CYP4X1: variants seen among roughly 807,000 people sequenced by gnomAD.
CYP4X1 encodes the protein cytochrome P450 4X1.
Under a neutral mutation model 57.9 loss-of-function variants are expected in CYP4X1, and 44 were observed. The observed-to-expected ratio is 0.76, with a 90% CI of 0.60 to 0.98. The LOEUF is 0.98. Among genes scored for constraint, CYP4X1 ranks in the 50% least tolerant of loss-of-function variants. CYP4X1 has a pLI of 0.00. For synonymous variants in CYP4X1, 227 were observed against 228.6 expected, an observed-to-expected ratio of 0.99 and a Z score of 0.06; for missense variants, 532 against 623.9, an observed-to-expected ratio of 0.85 and a Z score of 1.57.
chr1:47,000,298 A>C, the CYP4X1 span, among the ~76,000 whole-genome samples: 4 of 152,234 alleles, frequency 2.6e-5, no homozygotes, highest in South Asian at 8.3e-4. Flanking sequence ...GTCATGCAGA[A>C]CTGTGAGTCA....
chr1:47,047,269 G>T (rs893394189), intron 9 of CYP4X1, among the ~76,000 whole-genome samples: 34 of 152,128 alleles, frequency 2.2e-4, no homozygotes, highest in African/African-American at 7.7e-4. Flanking sequence ...TCTGAGCAGG[G>T]CTTATAGGAA....
chr1:47,005,008 A>G, the CYP4X1 span, among the ~76,000 whole-genome samples: 1 of 152,270 alleles, frequency 6.6e-6, no homozygotes, highest in East Asian at 1.9e-4. Context: ...AGGAAAGCTC[A>G]TGGTAGGCCA....
At chr1:47,021,175 AG>A (rs1170197939), upstream of CYP4X1, among the ~76,000 whole-genome samples, 1 of 138,390 alleles carries the variant, frequency 7.2e-6, no homozygotes, top group South Asian at 2.3e-4. Flanking sequence ...AAAAGGAAGG[AG>A]GCGCTGCTCT....
chr1:46,980,227 A>C, the CYP4X1 span, among the ~76,000 whole-genome samples: 1 of 152,158 alleles, frequency 6.6e-6, no homozygotes, highest in Non-Finnish European at 1.5e-5. Flanking sequence ...TTTAGAAAAC[A>C]CCATCATCTC....
the CYP4X1 span, chr1:46,961,609 G>A: frequency 2.5e-5 from 32 of 1,285,432 alleles, no homozygotes; most frequent in South Asian, 1.1e-4. Flanking sequence ...GCCTGGACCT[G>A]TGTCCTATGC....
At chr1:47,021,665 A>C (rs1278621417), upstream of CYP4X1, among the ~76,000 whole-genome samples, 2 of 152,302 alleles carry the variant, frequency 1.3e-5, no homozygotes, top group Non-Finnish European at 2.9e-5. Context: ...TAGTGCAAAA[A>C]GTTCCAGAGT....
Position 47,033,515 on chromosome 1 carries a change from C to T in CYP4X1, c.492+147C>T. 5.1e-6 allele frequency: 5 copies of T among 984,540 alleles called. No individual in the cohort carries two copies. The South Asian group carries it at 8.3e-5, about 16-fold the overall frequency. The allele number at this position is 984,540 out of a possible 1,614,324, so 61.0% of individuals were successfully genotyped here. On this transcript the variant is annotated intron_variant, in intron 4 of 11. Transcript: ENST00000371901. ...CACGTACTTATTGAACAATAGGTGT[C>T]TGTAAAAAATTTGTTATGTTCTTTG...
At chr1:47,013,299 G>C in the CYP4X1 span, among the ~76,000 whole-genome samples, 1 of 152,214 alleles carries the variant, frequency 6.6e-6, no homozygotes, top group Non-Finnish European at 1.5e-5. Flanking sequence ...TGGAGGCACA[G>C]TGTGATACAG....
chr1:46,999,024 CTTTG>C, the CYP4X1 span, among the ~76,000 whole-genome samples: 7 of 76,686 alleles, frequency 9.1e-5, no homozygotes, highest in African/African-American at 5.1e-4. Flanking sequence ...GGCTTGCTTT[CTTTG>C]TGTGTGTGTG....
chr1:46,965,434 G>GT, the CYP4X1 span, among the ~76,000 whole-genome samples: 2 of 152,184 alleles, frequency 1.3e-5, no homozygotes, highest in Admixed American at 6.5e-5. Context: ...GTTGTTTCCT[G>GT]TTTTTTGTTT....
the CYP4X1 span, among the ~76,000 whole-genome samples, chr1:46,970,726 C>T: frequency 6.6e-6 from 1 of 152,170 alleles, no homozygotes; most frequent in African/African-American, 2.4e-5. Context: ...GTGGCACCTG[C>T]AGAAGGTCAT....
chr1:46,974,824 C>T, the CYP4X1 span, among the ~76,000 whole-genome samples: 1 of 151,878 alleles, frequency 6.6e-6, no homozygotes, highest in Non-Finnish European at 1.5e-5. Context: ...CTATGGATGT[C>T]CTTGCATGTG....
At chr1:47,051,207 C>T (rs1439323560), downstream of CYP4X1, among the ~76,000 whole-genome samples, 1 of 152,044 alleles carries the variant, frequency 6.6e-6, no homozygotes, top group East Asian at 1.9e-4. Context: ...GTTAGAATGG[C>T]AATCATTAAA....
the CYP4X1 span, among the ~76,000 whole-genome samples, chr1:47,016,216 A>G: frequency 6.6e-6 from 1 of 152,144 alleles, no homozygotes; most frequent in Non-Finnish European, 1.5e-5. Context: ...GGCTCCAGGC[A>G]GAATTCAAGA....
chr1:47,008,634 G>A, the CYP4X1 span, among the ~76,000 whole-genome samples: 1 of 152,148 alleles, frequency 6.6e-6, no homozygotes, highest in Non-Finnish European at 1.5e-5. Context: ...CTGGCAAATT[G>A]GATAAAGAGT....
the CYP4X1 span, among the ~76,000 whole-genome samples, chr1:46,970,925 G>A: frequency 6.6e-6 from 1 of 152,102 alleles, no homozygotes; most frequent in African/African-American, 2.4e-5. Context: ...TCCATTATAT[G>A]TTTTTTAAAA....
Position 47,033,310 on chromosome 1 carries a change from A to G in CYP4X1, c.434A>G (p.His145Arg). ...CGTCGCCTACTAACTCCTGGATTCC[A>G]TTTTAACATCCTGAAAGCATACATT... ...QHRRLLTPGF[H>R]FNILKAYIEV... Residue 145 changes from histidine to arginine, a missense_variant, in exon 4 of 12, where the codon CAT (histidine) becomes CGT (arginine). Physicochemically the swap from His to Arg is conservative, Grantham distance 29. Coordinates refer to ENST00000371901, the MANE Select transcript of CYP4X1 (RefSeq NM_178033.2). The G allele has an allele frequency of 6.2e-7, 1 of 1,613,870 alleles. No individual in the cohort carries two copies. The highest frequency in any genetic ancestry group is 8.5e-7 in the Non-Finnish European group (1 of 1,179,840).
At chr1:47,022,867 G>C (rs867348839), upstream of CYP4X1, among the ~76,000 whole-genome samples, 1 of 152,128 alleles carries the variant, frequency 6.6e-6, no homozygotes, top group Admixed American at 6.5e-5. Context: ...ACAGGGAGGT[G>C]GGGGGAGACA....
At chr1:47,030,656 T>G (rs924339103) in intron 2 of CYP4X1, among the ~76,000 whole-genome samples, 1 of 152,212 alleles carries the variant, frequency 6.6e-6, no homozygotes, top group African/African-American at 2.4e-5. Context: ...CCCCACCCAA[T>G]CCTTTTTTAA....
Sources: gnomAD v4.1 joint callset for allele counts (sites outside exome capture counted in the v4.1 genomes callset) on GRCh38, gnomAD v4.1.1 for gene constraint, MANE v1.5 for transcripts, NCBI Gene and HGNC (gene_info 2026-07-23, HGNC 2026-07-21) for gene names.